The following VEPH1 variants were observed in gnomAD, a reference collection of about 807,000 sequenced individuals.
The protein encoded by VEPH1 is ventricular zone-expressed PH domain-containing protein homolog 1.
In VEPH1, 80 loss-of-function variants were observed where a neutral mutation model predicts 85.2. That is an observed-to-expected ratio of 0.94 (90% CI 0.78 to 1.13). VEPH1 has a LOEUF of 1.13. Ranked by LOEUF, VEPH1 falls within the 50% of genes most tolerant of loss-of-function variation. VEPH1 has a pLI of 0.00. For synonymous variants in VEPH1, 297 were observed against 348.0 expected, an observed-to-expected ratio of 0.85 and a Z score of 1.63; for missense variants, 955 against 980.5, an observed-to-expected ratio of 0.97 and a Z score of 0.35.
chr3:157,398,584 A>G (rs1730592454), intron 6 of VEPH1, among the ~76,000 whole-genome samples: 1 of 151,906 alleles, frequency 6.6e-6, no homozygotes, highest in Admixed American at 6.6e-5. Context: ...CAGTGAGCCA[A>G]GATCACGCCA....
chr3:157,351,921 C>G (rs1405752623), intron 9 of VEPH1, among the ~76,000 whole-genome samples: 1 of 152,232 alleles, frequency 6.6e-6, no homozygotes, highest in African/African-American at 2.4e-5. Flanking sequence ...CACTCCCAAG[C>G]TGTGACAATG....
At chr3:157,398,699 C>G (rs373659352) in intron 6 of VEPH1, among the ~76,000 whole-genome samples, 19 of 151,912 alleles carry the variant, frequency 1.3e-4, no homozygotes, top group Non-Finnish European at 2.2e-4. Context: ...TCCTAAAGGG[C>G]GGGCTCAACT....
rs190431826 is a variant in VEPH1 at position 157,467,861 on chromosome 3, C to G, written c.354+2453G>C. On this transcript the variant is annotated intron_variant, in intron 3 of 13. Coordinates refer to ENST00000362010, the MANE Select transcript of VEPH1 (RefSeq NM_001167912.2). Reference sequence around the variant, plus strand: ...CAACCCTTGACCTCAGAACCCTGCTCTCTACAATCTTACAAACTCATTTAC... The same window carrying G: ...CAACCCTTGACCTCAGAACCCTGCTGTCTACAATCTTACAAACTCATTTAC... Among the ~76,000 whole-genome samples the G allele has an allele frequency of 9.8e-4, 149 of 152,354 alleles. 1 individual carries two copies. Among genetic ancestry groups the G allele is most frequent in the Non-Finnish European group, 1.6e-4 (11 of 68,040 alleles).
intron 5 of VEPH1, among the ~76,000 whole-genome samples, chr3:157,425,093 C>T (rs946072678): frequency 3.9e-5 from 6 of 152,192 alleles, no homozygotes; most frequent in Non-Finnish European, 7.3e-5. Context: ...TCCCTGTGTC[C>T]CAGACACTCC....
chr3:157,341,404 C>T (rs1723545750), intron 9 of VEPH1, among the ~76,000 whole-genome samples: 1 of 152,152 alleles, frequency 6.6e-6, no homozygotes, highest in Non-Finnish European at 1.5e-5. Context: ...CCGATTCAAT[C>T]AACTGGAAGA....
intron 12 of VEPH1, among the ~76,000 whole-genome samples, chr3:157,271,822 A>C (rs1050242084): frequency 6.6e-6 from 1 of 152,220 alleles, no homozygotes; most frequent in African/African-American, 2.4e-5. Flanking sequence ...AACAAAGTTC[A>C]GATATACGAG....
intron 2 of VEPH1, chr3:157,488,920 C>G (rs1243949556): frequency 1.1e-5 from 2 of 183,142 alleles, no homozygotes; most frequent in African/African-American, 5.1e-5. Flanking sequence ...TTCTCTCTCT[C>G]TCTCTCTCTC....
At chr3:157,414,961 AC>A (rs1401045860) in intron 5 of VEPH1, among the ~76,000 whole-genome samples, 1 of 152,052 alleles carries the variant, frequency 6.6e-6, no homozygotes, top group Non-Finnish European at 1.5e-5. Flanking sequence ...CAGTATTAAA[AC>A]CAAATCTGAT....
At chr3:157,502,269 C>T (rs1173784444) in intron 1 of VEPH1, among the ~76,000 whole-genome samples, 1 of 152,118 alleles carries the variant, frequency 6.6e-6, no homozygotes, top group Non-Finnish European at 1.5e-5. Flanking sequence ...CCTATTTAGT[C>T]AAGAGCCCAA....
At chr3:157,442,626 G>A in intron 4 of VEPH1, 3 of 1,614,228 alleles carry the variant, frequency 1.9e-6, no homozygotes, top group Non-Finnish European at 2.5e-6. Flanking sequence ...GGTTTCCCTG[G>A]GAAGGTGGAC....
intron 11 of VEPH1, among the ~76,000 whole-genome samples, chr3:157,290,046 AC>A (rs1559928410): frequency 2.2e-5 from 1 of 46,304 alleles, no homozygotes; most frequent in African/African-American, 5.1e-5. Flanking sequence ...ACACACACAC[AC>A]ACACACACAC....
chr3:157,501,011 G>A (rs187638128), intron 1 of VEPH1, among the ~76,000 whole-genome samples: 6 of 152,154 alleles, frequency 3.9e-5, no homozygotes, highest in African/African-American at 7.2e-5. Flanking sequence ...CAGAAAAAGT[G>A]CCAGCAATCA....
At chr3:157,340,858 C>G (rs1723475993) in intron 9 of VEPH1, among the ~76,000 whole-genome samples, 1 of 152,188 alleles carries the variant, frequency 6.6e-6, no homozygotes. Context: ...GCAACATTTG[C>G]TGTTCAGCAA....
chr3:157,372,305 T>A (rs1039142777), intron 7 of VEPH1, among the ~76,000 whole-genome samples: 9 of 152,174 alleles, frequency 5.9e-5, no homozygotes, highest in Non-Finnish European at 1.2e-4. Context: ...ATATACTTAA[T>A]CAAAAACACA....
intron 12 of VEPH1, 54 bp from the exon 13 acceptor site, chr3:157,265,716 A>G: frequency 6.3e-7 from 1 of 1,592,442 alleles, no homozygotes. Flanking sequence ...TTTACTAGGT[A>G]GGTGATCAAA....
chr3:157,269,454 C>A (rs908389303), intron 12 of VEPH1, among the ~76,000 whole-genome samples: 1 of 152,086 alleles, frequency 6.6e-6, no homozygotes, highest in Non-Finnish European at 1.5e-5. Context: ...ATTAGCAGAA[C>A]TTTAAAGTAG....
intron 7 of VEPH1, among the ~76,000 whole-genome samples, chr3:157,368,158 C>T (rs1248922228): frequency 6.6e-6 from 1 of 152,184 alleles, no homozygotes; most frequent in East Asian, 1.9e-4. Flanking sequence ...GTGTTCCTAA[C>T]ACATAACAAG....
intron 3 of VEPH1, among the ~76,000 whole-genome samples, chr3:157,468,940 T>C (rs550991328): frequency 5.9e-5 from 9 of 152,296 alleles, no homozygotes; most frequent in African/African-American, 1.9e-4. Context: ...GTTTGTGGCT[T>C]GCATTAGATT....
At chr3:157,433,954 T>C (rs182736658) in intron 4 of VEPH1, among the ~76,000 whole-genome samples, 2 of 152,324 alleles carry the variant, frequency 1.3e-5, no homozygotes, top group Admixed American at 6.5e-5. Context: ...AGTTATGATA[T>C]ATGTGAACTT....
Sources: allele counts gnomAD v4.1 joint callset (sites outside exome capture counted in the v4.1 genomes callset), GRCh38; gene constraint gnomAD v4.1.1; transcripts MANE v1.5; gene names NCBI Gene and HGNC (gene_info 2026-07-23, HGNC 2026-07-21).